KTN1: variants seen among roughly 807,000 people sequenced by gnomAD.
KTN1 encodes kinectin.
KTN1 carries 130 observed loss-of-function variants against 222.5 expected under a neutral mutation model. The ratio of observed to expected loss-of-function variants is 0.58; its 90% CI spans 0.51 to 0.68. The LOEUF is 0.68. Ranked by LOEUF, KTN1 falls within the 30% of genes least tolerant of loss-of-function variation. The probability of loss-of-function intolerance (pLI) is 0.00; values close to 1 mark genes in which losing one functional copy is unlikely to be tolerated. For missense variants in KTN1, 1,508 were observed against 1,500.4 expected (o/e 1.01, Z -0.08); for synonymous variants, 512 against 496.3 (o/e 1.03, Z -0.42).
At chr14:55,643,098 C>G (rs1411772502) in intron 18 of KTN1, among the ~76,000 whole-genome samples, 2 of 151,970 alleles carry the variant, frequency 1.3e-5, no homozygotes, top group African/African-American at 4.8e-5. Context: ...TTAGCAGAGA[C>G]GGGGTTTTGC....
chr14:55,582,178 A>G (rs2031833761), intron 1 of KTN1, among the ~76,000 whole-genome samples: 1 of 152,170 alleles, frequency 6.6e-6, no homozygotes, highest in Non-Finnish European at 1.5e-5. Context: ...TTAACTCTTA[A>G]TGATTCAGCG....
intron 43 of KTN1, chr14:55,680,911 A>G: frequency 2.7e-6 from 1 of 369,208 alleles, no homozygotes. Flanking sequence ...AAATTAGGAA[A>G]TAACCTTGCT....
intron 8 of KTN1, 92 bp from the exon 9 acceptor site, chr14:55,634,434 C>T (rs1165181915): frequency 8.5e-7 from 1 of 1,179,972 alleles, no homozygotes; most frequent in Non-Finnish European, 1.2e-6. Flanking sequence ...GAACTACTAG[C>T]TCAGCTCAGC....
chr14:55,586,611 AAAC>A (rs1287963029), intron 1 of KTN1, among the ~76,000 whole-genome samples: 1 of 152,158 alleles, frequency 6.6e-6, no homozygotes, highest in East Asian at 1.9e-4. Flanking sequence ...TTTCTGAAGA[AAAC>A]AAAACGCTGT....
At chr14:55,585,313 A>G (rs2032749791) in intron 1 of KTN1, among the ~76,000 whole-genome samples, 1 of 152,118 alleles carries the variant, frequency 6.6e-6, no homozygotes, top group African/African-American at 2.4e-5. Context: ...AGTGTGGTGG[A>G]GACCCTCTTA....
intron 40 of KTN1, chr14:55,674,669 G>A (rs1051482820): frequency 6.6e-6 from 1 of 152,054 alleles, no homozygotes; most frequent in Non-Finnish European, 1.5e-5. Context: ...TTGGTGCTTA[G>A]TGGCTGACTC....
intron 1 of KTN1, chr14:55,607,325 CTTA>C: frequency 6.6e-6 from 1 of 151,998 alleles, no homozygotes. Flanking sequence ...TGCGTGTTAA[CTTA>C]TTATAATTTT....
At chr14:55,680,541 G>A (rs1566866527) in intron 43 of KTN1, 2 of 508,592 alleles carry the variant, frequency 3.9e-6, no homozygotes, top group Non-Finnish European at 8.1e-6. Flanking sequence ...ACCCTGAGGG[G>A]CAACTCATCA....
At chr14:55,656,006 A>G (rs1566812103) in intron 28 of KTN1, 36 bp from the exon 29 acceptor site, 1 of 1,277,098 alleles carries the variant, frequency 7.8e-7, no homozygotes, top group Non-Finnish European at 1.1e-6. Context: ...TTTTTTATGT[A>G]CTTTAGTTAA....
intron 32 of KTN1, chr14:55,663,231 T>A (rs2044339548): frequency 2.0e-5 from 4 of 195,296 alleles, no homozygotes. Context: ...TTTAGATTTC[T>A]CATTCTGAAA....
chr14:55,655,286 G>A (rs1424254002), intron 28 of KTN1, among the ~76,000 whole-genome samples: 1 of 152,098 alleles, frequency 6.6e-6, no homozygotes, highest in East Asian at 1.9e-4. Context: ...CCCTTGGATT[G>A]CCTTCTTTTA....
At chr14:55,639,159 A>G (rs1389942041) in intron 12 of KTN1, 26 bp from the exon 13 acceptor site, 2 of 1,526,696 alleles carry the variant, frequency 1.3e-6, no homozygotes, top group Non-Finnish European at 1.8e-6. Flanking sequence ...AAATACTTTT[A>G]TGTTGACACT....
intron 12 of KTN1, 68 bp downstream of exon 12, chr14:55,637,915 G>T: frequency 8.5e-7 from 1 of 1,172,192 alleles, no homozygotes; most frequent in East Asian, 2.4e-5. Flanking sequence ...CTGAATGTCT[G>T]TTGAGTGCCA....
At chr14:55,656,611 A>G (rs887609847) in intron 29 of KTN1, among the ~76,000 whole-genome samples, 1 of 151,986 alleles carries the variant, frequency 6.6e-6, no homozygotes, top group African/African-American at 2.4e-5. Flanking sequence ...GACTACAGGC[A>G]TGCACCACTA....
At chr14:55,657,490 C>T (rs1025730571) in intron 29 of KTN1, among the ~76,000 whole-genome samples, 7 of 151,062 alleles carry the variant, frequency 4.6e-5, no homozygotes, top group African/African-American at 1.7e-4. Flanking sequence ...TTTATTTTCC[C>T]CATTTTTTCT....
chr14:55,655,726 G>C (rs2043401278), intron 28 of KTN1, among the ~76,000 whole-genome samples: 1 of 152,172 alleles, frequency 6.6e-6, no homozygotes, highest in Admixed American at 6.5e-5. Context: ...TTATGACTAA[G>C]ATTCTTGGGG....
chr14:55,626,252 T>C (rs117673918), intron 5 of KTN1, among the ~76,000 whole-genome samples: 263 of 152,238 alleles, frequency 1.7e-3, no homozygotes, highest in Non-Finnish European at 3.1e-3. Context: ...ACTTTATTTC[T>C]ACTTTTTATT....
chr14:55,632,769 G>GT (rs1313624928), intron 7 of KTN1, among the ~76,000 whole-genome samples: 2 of 152,138 alleles, frequency 1.3e-5, no homozygotes, highest in Non-Finnish European at 1.5e-5. Context: ...AGGTTTTTGT[G>GT]TTATCTATAT....
intron 21 of KTN1, 50 bp downstream of exon 21, chr14:55,648,920 T>C: frequency 8.0e-7 from 1 of 1,255,532 alleles, no homozygotes; most frequent in South Asian, 1.3e-5. Flanking sequence ...TTTTGTTTGT[T>C]TGTTTGTTGT....
Sources: allele counts gnomAD v4.1 joint callset (sites outside exome capture counted in the v4.1 genomes callset), GRCh38; gene constraint gnomAD v4.1.1; transcripts MANE v1.5; gene names NCBI Gene and HGNC (gene_info 2026-07-23, HGNC 2026-07-21).